CRACD: variants seen among roughly 807,000 people sequenced by gnomAD.
CRACD encodes the protein capping protein inhibiting regulator of actin dynamics, also known as capping protein-inhibiting regulator of actin dynamics.
Under a neutral mutation model 106.8 loss-of-function variants are expected in CRACD, and 56 were observed. That is an observed-to-expected ratio of 0.52 (90% CI 0.42 to 0.66). CRACD has a LOEUF of 0.66. CRACD is among the 30% of genes least tolerant of loss of function. The pLI is 0.00. For missense variants in CRACD, 1,730 were observed against 1,623.2 expected (o/e 1.07, Z -1.13); for synonymous variants, 754 against 670.8 (o/e 1.12, Z -1.92).
intron 2 of CRACD, among the ~76,000 whole-genome samples, chr4:56,250,556 A>G (rs1208194377): frequency 2.6e-5 from 4 of 152,238 alleles, no homozygotes; most frequent in African/African-American, 9.6e-5. Context: ...ATGCCTTGCA[A>G]AGAATGAGCT....
intron 1 of CRACD, among the ~76,000 whole-genome samples, chr4:56,161,543 C>A (rs1000032477): frequency 1.3e-5 from 2 of 152,002 alleles, no homozygotes; most frequent in Admixed American, 6.6e-5. Context: ...CCTCCGCCTC[C>A]TGGGCTCAAG....
chr4:56,145,604 TA>T (rs1735352899), intron 1 of CRACD, among the ~76,000 whole-genome samples: 1 of 152,102 alleles, frequency 6.6e-6, no homozygotes, highest in Non-Finnish European at 1.5e-5. Flanking sequence ...TTTCATATAT[TA>T]TTTTTTCTTT....
chr4:56,162,769 A>G (rs765257037), intron 1 of CRACD, among the ~76,000 whole-genome samples: 1 of 152,202 alleles, frequency 6.6e-6, no homozygotes, highest in Non-Finnish European at 1.5e-5. Flanking sequence ...CAAGGAGTTC[A>G]AATTCTAGTA....
At chr4:56,089,126 A>C (rs962289690) in intron 1 of CRACD, among the ~76,000 whole-genome samples, 1 of 152,242 alleles carries the variant, frequency 6.6e-6, no homozygotes, top group Non-Finnish European at 1.5e-5. Context: ...TCACCAGTAA[A>C]GTGTAGCATT....
At position 56,314,613 on chromosome 4, in the gene CRACD, G is replaced by A; in HGVS notation, c.1111G>A (p.Glu371Lys). ...GGAGGAGGAGGCTGAGGGATGGGAAGAGCTGGAACAGCAGGAGGCGGAGGT... is the reference window on the plus strand; with the variant it reads ...GGAGGAGGAGGCTGAGGGATGGGAAAAGCTGGAACAGCAGGAGGCGGAGGT... ...QEEEEAEGWEELEQQEAEVQG... is the reference protein window; with the variant it reads ...QEEEEAEGWEKLEQQEAEVQG... Residue 371 changes from glutamate (E) to lysine (K), a missense_variant, in exon 8 of 11, where the codon GAG (glutamate) becomes AAG (lysine). Physicochemically the swap from Glu to Lys is moderately conservative, Grantham distance 56. Around this residue, in one of 5 missense-constraint regions of CRACD, gnomAD observed 1,620 missense variants for 1,481.6 expected, o/e 1.09. Coordinates refer to ENST00000682029, the MANE Select transcript of CRACD (RefSeq NM_001393381.1). The surrounding 1 kb of genome is among the most constrained non-coding windows in gnomAD (Gnocchi z 4.4). The A allele has an allele frequency of 6.5e-7, 1 of 1,533,920 alleles. No homozygotes were observed.
rs372743493 is a variant in CRACD, at chr4:56,217,811, G to A, written c.-189+38381G>A. The stretch of plus-strand genomic sequence containing the variant: ...TTCAGATTAACTTTGGAATGCCCTC[G>A]GCCAAGAGGAAGGGTTCATTCAGTT... On this transcript the variant is annotated intron_variant, in intron 2 of 10. Transcript: ENST00000682029. Among the ~76,000 whole-genome samples the A allele has an allele frequency of 7.9e-5, 12 of 152,282 alleles. No homozygotes were observed. The South Asian group carries it at 1.2e-3, about 16-fold the overall frequency.
At chr4:56,218,241 G>A (rs1274779002) in intron 2 of CRACD, among the ~76,000 whole-genome samples, 1 of 151,788 alleles carries the variant, frequency 6.6e-6, no homozygotes, top group East Asian at 1.9e-4. Context: ...TTTAATCCCT[G>A]TCAAATGTCT....
At chr4:56,118,005 C>G (rs1039391534) in intron 1 of CRACD, among the ~76,000 whole-genome samples, 3 of 152,244 alleles carry the variant, frequency 2.0e-5, no homozygotes, top group Admixed American at 2.0e-4. Context: ...GTGATCCACC[C>G]GCCTCTGCCT....
At chr4:56,283,176 A>G (rs1299874230) in intron 3 of CRACD, among the ~76,000 whole-genome samples, 1 of 152,124 alleles carries the variant, frequency 6.6e-6, no homozygotes, top group Non-Finnish European at 1.5e-5. Context: ...ATGGGGTGTG[A>G]CAACCTTTGC....
At position 56,314,334 on chromosome 4, in the gene CRACD, G is replaced by A. The variant is rs1221201011; in HGVS notation, c.832G>A (p.Glu278Lys). ...ELLEEEGEGQEPPLEAERAPR... is the reference protein window; with the variant it reads ...ELLEEEGEGQKPPLEAERAPR... Reference sequence around the variant, plus strand: ...CTTGGAGGAGGAGGGCGAGGGGCAGGAGCCGCCTCTAGAGGCGGAAAGGGC... The same window carrying A: ...CTTGGAGGAGGAGGGCGAGGGGCAGAAGCCGCCTCTAGAGGCGGAAAGGGC... Residue 278 changes from glutamate (E) to lysine (K), a missense_variant, in exon 8 of 11, where the codon GAG becomes AAG. Glu to Lys is a moderately conservative substitution (Grantham distance 56). This residue lies in a region of CRACD where 1,620 missense variants were observed against 1,481.6 expected (regional missense o/e 1.09). Coordinates refer to ENST00000682029, the MANE Select transcript of CRACD (RefSeq NM_001393381.1). The surrounding 1 kb of genome is among the most constrained non-coding windows in gnomAD (Gnocchi z 4.4). 6.4e-7 allele frequency: 1 copy of A among 1,550,578 alleles called. No homozygotes were observed. The highest frequency in any genetic ancestry group is 8.7e-7 in the Non-Finnish European group (1 of 1,147,058).
intron 1 of CRACD, among the ~76,000 whole-genome samples, chr4:56,088,125 ATTGT>A (rs1329775206): frequency 7.3e-6 from 1 of 137,286 alleles, no homozygotes; most frequent in African/African-American, 2.8e-5. Flanking sequence ...ATCTCTCTAG[ATTGT>A]TTCTTTTTTT....
intron 1 of CRACD, among the ~76,000 whole-genome samples, chr4:56,082,947 A>C (rs1733085491): frequency 6.6e-6 from 1 of 152,218 alleles, no homozygotes; most frequent in Non-Finnish European, 1.5e-5. Flanking sequence ...AAACAGGATA[A>C]ATAAGTCAGA....
chr4:56,314,514 G>A lies in CRACD; in HGVS notation c.1012G>A (p.Asp338Asn), dbSNP rs1745403863. The A allele has an allele frequency of 2.0e-6, 3 of 1,514,498 alleles. No individual in the cohort carries two copies. The highest frequency in any genetic ancestry group is 2.2e-5 in the Admixed American group (1 of 44,660). The allele number at this position is 1,514,498 out of a possible 1,614,324, so 93.8% of individuals were successfully genotyped here. A position where few individuals can be genotyped will look rare whatever the true frequency, so the allele number is the denominator to read the frequency against. The change falls in exon 8 of 11, where the codon GAC (aspartate) becomes AAC (asparagine). Residue 338 changes from aspartate to asparagine, a missense_variant. By Grantham distance (23) the Asp-to-Asn change is conservative. Around this residue, in one of 5 missense-constraint regions of CRACD, gnomAD observed 1,620 missense variants for 1,481.6 expected, o/e 1.09. Coordinates refer to ENST00000682029, the MANE Select transcript of CRACD (RefSeq NM_001393381.1). This position sits in a 1 kb window ranked among gnomAD's most constrained non-coding sequence, Gnocchi z 4.4. The part of the protein sequence containing the change: ...QAEERRRLEE[D>N]ARLEERRRQE... ...GGAGGAGAGGCGGCGGCTGGAGGAG[G>A]ACGCCAGGCTGGAGGAGCGGAGGCG... is the stretch of plus-strand genomic sequence containing the variant.
intron 10 of CRACD, 89 bp downstream of exon 10, chr4:56,324,355 G>T (rs1396790436): frequency 1.6e-6 from 2 of 1,244,922 alleles, no homozygotes; most frequent in East Asian, 5.0e-5. Context: ...ATGACTAGCA[G>T]AGCACCTCAG....
chr4:56,320,155 A>C (rs1421758125), intron 8 of CRACD, among the ~76,000 whole-genome samples: 1 of 151,808 alleles, frequency 6.6e-6, no homozygotes, highest in African/African-American at 2.4e-5. Flanking sequence ...CAAAAAAAAA[A>C]AACAAACCTT....
At chr4:56,217,240 G>A (rs1172228196) in intron 2 of CRACD, among the ~76,000 whole-genome samples, 1 of 152,092 alleles carries the variant, frequency 6.6e-6, no homozygotes, top group Admixed American at 6.5e-5. Context: ...AAGTATCTGA[G>A]GCAAGTCTCA....
chr4:56,157,649 C>T (rs2109898896), intron 1 of CRACD, among the ~76,000 whole-genome samples: 1 of 152,056 alleles, frequency 6.6e-6, no homozygotes, highest in Middle Eastern at 3.4e-3. Flanking sequence ...TTTTTTAAGT[C>T]AAGGATGATA....
chr4:56,096,472 G>GA, intron 1 of CRACD, among the ~76,000 whole-genome samples: 1 of 152,110 alleles, frequency 6.6e-6, no homozygotes. Context: ...CAGCATTTGG[G>GA]GAGGCCAAGG....
chr4:56,318,669 T>C (rs934789049), intron 8 of CRACD, among the ~76,000 whole-genome samples: 1 of 152,214 alleles, frequency 6.6e-6, no homozygotes, highest in African/African-American at 2.4e-5. Flanking sequence ...TTTTTCCTGA[T>C]TCGATACAGA....
Sources: allele counts gnomAD v4.1 joint callset (sites outside exome capture counted in the v4.1 genomes callset), GRCh38; gene constraint gnomAD v4.1.1; regional missense constraint gnomAD v4.1.1; non-coding constraint Gnocchi (gnomAD v3.1); transcripts MANE v1.5; gene names NCBI Gene and HGNC (gene_info 2026-07-23, HGNC 2026-07-21).